The following CBLB variants were observed in gnomAD, a reference collection of about 807,000 sequenced individuals.
CBLB encodes Cbl proto-oncogene B.
In CBLB, 31 loss-of-function variants were observed where a neutral mutation model predicts 104.9. The observed-to-expected ratio is 0.30, with a 90% CI of 0.22 to 0.40. The LOEUF (loss-of-function observed/expected upper bound fraction) is 0.40, where lower values mean the gene tolerates loss of function less well. Among genes scored for constraint, CBLB ranks in the 10% least tolerant of loss-of-function variants. The pLI, the probability that CBLB is intolerant of heterozygous loss-of-function variation, is 1.00. For synonymous variants in CBLB, 440 were observed against 422.6 expected, an observed-to-expected ratio of 1.04 and a Z score of -0.51; for missense variants, 1,062 against 1,214.6, an observed-to-expected ratio of 0.87 and a Z score of 1.87.
chr3:105,745,887 T>C, intron 6 of CBLB, 30 bp downstream of exon 6: 1 of 1,597,722 alleles, frequency 6.3e-7, no homozygotes, highest in Non-Finnish European at 8.6e-7. Flanking sequence ...TTTGGATATA[T>C]CACATAATAT....
intron 13 of CBLB, among the ~76,000 whole-genome samples, chr3:105,685,837 T>C (rs2066934390): frequency 1.3e-5 from 2 of 152,180 alleles, no homozygotes; most frequent in South Asian, 4.1e-4. Flanking sequence ...GGGTAAAATA[T>C]GATGCTACAA....
intron 3 of CBLB, among the ~76,000 whole-genome samples, chr3:105,831,603 T>A (rs531680309): frequency 1.3e-5 from 2 of 152,226 alleles, no homozygotes; most frequent in African/African-American, 4.8e-5. Context: ...AATTATACTT[T>A]GAAAGACAGT....
At chr3:105,744,557 A>C (rs1243841044) in intron 6 of CBLB, among the ~76,000 whole-genome samples, 1 of 152,210 alleles carries the variant, frequency 6.6e-6, no homozygotes, top group Non-Finnish European at 1.5e-5. Context: ...ACACTATATA[A>C]ATTCTTAAAA....
intron 4 of CBLB, among the ~76,000 whole-genome samples, chr3:105,775,113 T>C (rs1234280903): frequency 6.6e-6 from 1 of 152,228 alleles, no homozygotes; most frequent in Non-Finnish European, 1.5e-5. Context: ...TCTTCATTTC[T>C]GAATGAATAT....
chr3:105,713,418 CCTA>C (rs1185542818), intron 10 of CBLB, among the ~76,000 whole-genome samples: 1 of 151,434 alleles, frequency 6.6e-6, no homozygotes, highest in Non-Finnish European at 1.5e-5. Context: ...TTCTCAAGGG[CCTA>C]CTGTGTATCA....
chr3:105,759,333 C>T (rs1338690875), intron 4 of CBLB, among the ~76,000 whole-genome samples: 4 of 152,198 alleles, frequency 2.6e-5, no homozygotes, highest in Non-Finnish European at 4.4e-5. Context: ...TTTTCACTCC[C>T]ACTGTGAACT....
intron 9 of CBLB, among the ~76,000 whole-genome samples, chr3:105,726,338 T>C (rs956039117): frequency 6.6e-6 from 1 of 152,200 alleles, no homozygotes; most frequent in Non-Finnish European, 1.5e-5. Flanking sequence ...TACGCTGATA[T>C]CTTTCTTTTA....
intron 18 of CBLB, among the ~76,000 whole-genome samples, chr3:105,666,437 C>T (rs991191884): frequency 6.6e-6 from 1 of 152,094 alleles, no homozygotes; most frequent in African/African-American, 2.4e-5. Flanking sequence ...CCTGTAATCC[C>T]AGCACTTTAG....
chr3:105,757,814 T>C (rs1001973389), intron 4 of CBLB, among the ~76,000 whole-genome samples: 1 of 152,184 alleles, frequency 6.6e-6, no homozygotes, highest in South Asian at 2.1e-4. Flanking sequence ...CTCAGGAATA[T>C]ATACTGTCAT....
At chr3:105,736,522 C>T (rs9859953) in intron 8 of CBLB, among the ~76,000 whole-genome samples, 44,355 of 151,898 alleles carry the variant, frequency 0.29, 6,958 homozygotes, top group Admixed American at 0.42. Context: ...AGTATGAGAA[C>T]AGTAGTCTAT....
chr3:105,832,106 G>A (rs1045776291), intron 3 of CBLB, among the ~76,000 whole-genome samples: 4 of 151,968 alleles, frequency 2.6e-5, no homozygotes, highest in Non-Finnish European at 5.9e-5. Flanking sequence ...TTTAAAGAAG[G>A]TATAAGGTAA....
intron 7 of CBLB, among the ~76,000 whole-genome samples, chr3:105,739,517 G>A (rs1182562475): frequency 6.6e-6 from 1 of 152,128 alleles, no homozygotes; most frequent in East Asian, 1.9e-4. Context: ...CAAATAAGAA[G>A]AATCAGACAT....
Position 105,655,611 on chromosome 3 carries a change from T to C in CBLB, c.*3359A>G, listed in dbSNP as rs1415331977. 1 of 186,240 alleles carries C rather than the reference T, an allele frequency of 5.4e-6. No homozygotes were observed. Among genetic ancestry groups the C allele is most frequent in the Non-Finnish European group, 1.1e-5 (1 of 88,070 alleles). The allele number at this position is 186,240 out of a possible 1,614,324, so 11.5% of individuals were successfully genotyped here. A position where few individuals can be genotyped will look rare whatever the true frequency, so the allele number is the denominator to read the frequency against. On this transcript the variant is annotated 3_prime_UTR_variant, in exon 19 of 19. Transcript: ENST00000394030. Reference sequence around the variant, plus strand: ...ACATCACACAAGTTTTAAAAAGGCATTTTAAAAAACAATAAAATAGTAATT... The same window carrying C: ...ACATCACACAAGTTTTAAAAAGGCACTTTAAAAAACAATAAAATAGTAATT...
At chr3:105,812,969 G>T (rs370315335) in intron 3 of CBLB, among the ~76,000 whole-genome samples, 1 of 152,006 alleles carries the variant, frequency 6.6e-6, no homozygotes, top group African/African-American at 2.4e-5. Context: ...CCCTATTTAT[G>T]TCTCAGTGCT....
chr3:105,800,311 T>C (rs767413738), intron 3 of CBLB, among the ~76,000 whole-genome samples: 2 of 152,158 alleles, frequency 1.3e-5, no homozygotes, highest in Non-Finnish European at 2.9e-5. Context: ...ATGATTCCAA[T>C]GTGAGCCAAG....
chr3:105,851,341 A>G (rs752754942), intron 3 of CBLB, among the ~76,000 whole-genome samples: 1 of 152,116 alleles, frequency 6.6e-6, no homozygotes, highest in Non-Finnish European at 1.5e-5. Flanking sequence ...AAAACTGCAC[A>G]GACAGTAAAA....
intron 6 of CBLB, among the ~76,000 whole-genome samples, chr3:105,744,953 A>G (rs1240735050): frequency 6.6e-6 from 1 of 152,154 alleles, no homozygotes; most frequent in Non-Finnish European, 1.5e-5. Flanking sequence ...ACAAAACAAA[A>G]CAAAAATGTT....
At chr3:105,827,157 T>G (rs2086712811) in intron 3 of CBLB, among the ~76,000 whole-genome samples, 1 of 152,176 alleles carries the variant, frequency 6.6e-6, no homozygotes. Flanking sequence ...GGTAGGGTAT[T>G]TCAACACAAT....
At chr3:105,681,330 G>T in intron 16 of CBLB, 149 bp downstream of exon 16, 1 of 706,368 alleles carries the variant, frequency 1.4e-6, no homozygotes, top group Non-Finnish European at 2.4e-6. Context: ...TCGTGAACTT[G>T]GGAGTCACCG....
Sources: gnomAD v4.1 joint callset for allele counts (sites outside exome capture counted in the v4.1 genomes callset) on GRCh38, gnomAD v4.1.1 for gene constraint, MANE v1.5 for transcripts, NCBI Gene and HGNC (gene_info 2026-07-23, HGNC 2026-07-21) for gene names.